The following RPRD2 variants were observed in gnomAD, a reference collection of about 807,000 sequenced individuals.
RPRD2 encodes the protein regulation of nuclear pre-mRNA domain-containing protein 2.
RPRD2 carries 12 observed loss-of-function variants against 104.4 expected under a neutral mutation model. The ratio of observed to expected loss-of-function variants is 0.11; its 90% CI spans 0.07 to 0.19. RPRD2 has a LOEUF of 0.19. RPRD2 is among the 10% of genes least tolerant of loss of function. The pLI is 1.00. For synonymous variants in RPRD2, 714 were observed against 684.9 expected, an observed-to-expected ratio of 1.04 and a Z score of -0.66; for missense variants, 1,543 against 1,790.1, an observed-to-expected ratio of 0.86 and a Z score of 2.49.
At chr1:150,415,662 C>T (rs1156490870) in intron 1 of RPRD2, among the ~76,000 whole-genome samples, 1 of 152,060 alleles carries the variant, frequency 6.6e-6, no homozygotes, top group Non-Finnish European at 1.5e-5. Context: ...GCCTAGGTGA[C>T]AGGAGTGAGA....
rs775863885 is a variant in RPRD2, at chr1:150,472,703, A to G, written c.3755A>G (p.His1252Arg). 18 of 1,613,420 alleles carry G rather than the reference A, an allele frequency of 1.1e-5. No homozygotes were observed. The highest frequency in any genetic ancestry group is 1.7e-4 in the Middle Eastern group (1 of 6,060). Residue 1252 changes from histidine (H) to arginine (R), a missense_variant, in exon 11 of 11, where the codon CAT becomes CGT. This residue lies in a region of RPRD2 where 880 missense variants were observed against 885.6 expected (regional missense o/e 0.99). Transcript: ENST00000369068. ...TTCACAAAGGAGGCAGCCCTGGCCC[A>G]TGCTGCCCCACCCCCTCCTCCTGGA... ...NPFTKEAALA[H>R]AAPPPPPGEH...
At chr1:150,389,557 A>G (rs782085966) in intron 1 of RPRD2, among the ~76,000 whole-genome samples, 9 of 152,200 alleles carry the variant, frequency 5.9e-5, no homozygotes, top group Non-Finnish European at 1.3e-4. Flanking sequence ...CGCTAATGAT[A>G]CTAACCTTGA....
chr1:150,459,959 C>A, intron 8 of RPRD2, 101 bp from the exon 9 acceptor site: 2 of 1,089,566 alleles, frequency 1.8e-6, no homozygotes, highest in Non-Finnish European at 2.6e-6. Flanking sequence ...AAAGTAGTGC[C>A]TTTTCCCCCA....
chr1:150,394,065 A>G (rs138763934), intron 1 of RPRD2, among the ~76,000 whole-genome samples: 22 of 152,104 alleles, frequency 1.4e-4, no homozygotes, highest in African/African-American at 5.1e-4. Flanking sequence ...TTTTCTTTTG[A>G]GACGGAATTT....
At chr1:150,366,898 C>T (rs782700569) in intron 1 of RPRD2, among the ~76,000 whole-genome samples, 3 of 152,166 alleles carry the variant, frequency 2.0e-5, no homozygotes, top group South Asian at 2.1e-4. Flanking sequence ...TAAGTTGGTC[C>T]CTGTCCCGTC....
intron 1 of RPRD2, among the ~76,000 whole-genome samples, chr1:150,416,503 A>G (rs2102272778): frequency 6.6e-6 from 1 of 152,248 alleles, no homozygotes; most frequent in South Asian, 2.1e-4. Flanking sequence ...ACCCAGCATA[A>G]TAATGAAATT....
At chr1:150,419,047 ACT>A (rs1358099311) in intron 2 of RPRD2, among the ~76,000 whole-genome samples, 1 of 151,810 alleles carries the variant, frequency 6.6e-6, no homozygotes. Context: ...CATTTCCTAA[ACT>A]CTGACCATGG....
At chr1:150,373,743 T>C (rs1204959685) in intron 1 of RPRD2, among the ~76,000 whole-genome samples, 6 of 152,064 alleles carry the variant, frequency 3.9e-5, no homozygotes, top group African/African-American at 9.7e-5. Flanking sequence ...TACAATTCAA[T>C]TGTTTTAGTA....
At chr1:150,403,023 A>C (rs1052810573) in intron 1 of RPRD2, among the ~76,000 whole-genome samples, 25 of 152,146 alleles carry the variant, frequency 1.6e-4, no homozygotes, top group Non-Finnish European at 3.2e-4. Context: ...AAAATGTGGA[A>C]ACAACCTGAA....
chr1:150,456,858 G>A (rs1204691044), intron 7 of RPRD2, among the ~76,000 whole-genome samples: 6 of 151,776 alleles, frequency 4.0e-5, no homozygotes, highest in African/African-American at 1.5e-4. Context: ...CCAGGAGGCA[G>A]AGGTTGCAGT....
chr1:150,442,353 G>A (rs1666464054), intron 4 of RPRD2, among the ~76,000 whole-genome samples: 1 of 152,050 alleles, frequency 6.6e-6, no homozygotes, highest in African/African-American at 2.4e-5. Flanking sequence ...CATTTCTGTG[G>A]GAACCATGAA....
intron 1 of RPRD2, among the ~76,000 whole-genome samples, chr1:150,368,846 G>C (rs1553877675): frequency 1.3e-5 from 2 of 152,102 alleles, no homozygotes; most frequent in African/African-American, 4.8e-5. Flanking sequence ...GATCTCAGGC[G>C]ATCTACCCAC....
At chr1:150,379,348 G>C (rs1310399737) in intron 1 of RPRD2, among the ~76,000 whole-genome samples, 1 of 151,600 alleles carries the variant, frequency 6.6e-6, no homozygotes, top group Admixed American at 6.6e-5. Context: ...TGTTTTTAAT[G>C]GGTTAATGGA....
intron 1 of RPRD2, among the ~76,000 whole-genome samples, chr1:150,398,464 G>A (rs587740690): frequency 1.7e-4 from 26 of 152,028 alleles, no homozygotes; most frequent in African/African-American, 6.0e-4. Flanking sequence ...CCAAAGTGCT[G>A]GGATTACAGG....
intron 1 of RPRD2, among the ~76,000 whole-genome samples, chr1:150,394,680 C>T (rs753335521): frequency 6.6e-6 from 1 of 152,096 alleles, no homozygotes; most frequent in Non-Finnish European, 1.5e-5. Context: ...CAACCTCAGC[C>T]TCCCGGGTTC....
At chr1:150,429,767 G>A (rs587766641) in intron 2 of RPRD2, among the ~76,000 whole-genome samples, 4 of 152,322 alleles carry the variant, frequency 2.6e-5, no homozygotes, top group African/African-American at 7.2e-5. Context: ...ACAGTTGTTT[G>A]TATATAATTA....
chr1:150,457,399 G>A lies in RPRD2; in HGVS notation c.982G>A (p.Ala328Thr), dbSNP rs1553897811. 1.9e-6 allele frequency: 3 copies of A among 1,613,716 alleles called. No individual in the cohort carries two copies. The highest frequency in any genetic ancestry group is 1.7e-6 in the Non-Finnish European group (2 of 1,179,726). The change falls in exon 8 of 11, where the codon GCT becomes ACT. Residue 328 changes from alanine (A) to threonine (T), a missense_variant. Physicochemically the swap from Ala to Thr is moderately conservative, Grantham distance 58. This residue lies in a region of RPRD2 where 572 missense variants were observed against 787.3 expected (regional missense o/e 0.73). Coordinates refer to ENST00000369068, the MANE Select transcript of RPRD2 (RefSeq NM_015203.5). ...ACCAGTTCCTTCCCCAAGCATGGACGCTCCCTCCCCGACTGGTTCTGAGTC... is the reference window on the plus strand; with the variant it reads ...ACCAGTTCCTTCCCCAAGCATGGACACTCCCTCCCCGACTGGTTCTGAGTC... ...ESPVPSPSMDAPSPTGSESPF... is the reference protein window; with the variant it reads ...ESPVPSPSMDTPSPTGSESPF...
chr1:150,430,903 G>C (rs12144958), intron 2 of RPRD2, among the ~76,000 whole-genome samples: 12,410 of 151,364 alleles, frequency 0.082, 674 homozygotes, highest in Non-Finnish European at 0.12. Flanking sequence ...CTCCAGCTTG[G>C]CCAACAAGAG....
In RPRD2 at chr1:150,386,003, T is replaced by C. The variant is rs782450495; in HGVS notation, c.205+21084T>C. 2.6e-5 allele frequency among the ~76,000 whole-genome samples: 4 copies of C among 152,116 alleles called. 1 individual carries two copies. The highest frequency in any genetic ancestry group is 6.3e-3 in the Middle Eastern group (2 of 316). Reference sequence around the variant, plus strand: ...GTAGGTAAGTAGGGTAGAGTTTGTATTGAAAGTGAGAGGGGTGTGGTGTAT... The same window carrying C: ...GTAGGTAAGTAGGGTAGAGTTTGTACTGAAAGTGAGAGGGGTGTGGTGTAT... On this transcript the variant is annotated intron_variant, in intron 1 of 10. Coordinates refer to ENST00000369068, the MANE Select transcript of RPRD2 (RefSeq NM_015203.5).
Sources: gnomAD v4.1 joint callset for allele counts (sites outside exome capture counted in the v4.1 genomes callset) on GRCh38, gnomAD v4.1.1 for gene constraint, gnomAD v4.1.1 regional missense constraint, MANE v1.5 for transcripts, NCBI Gene and HGNC (gene_info 2026-07-23, HGNC 2026-07-21) for gene names.